The following RIMBP2 variants were observed in gnomAD, a reference collection of about 807,000 sequenced individuals.
RIMBP2 encodes the protein RIMS-binding protein 2.
A neutral mutation model predicts 118.6 loss-of-function variants in RIMBP2; 48 were observed. The ratio of observed to expected loss-of-function variants is 0.40; its 90% CI spans 0.32 to 0.51. The LOEUF (loss-of-function observed/expected upper bound fraction) is 0.51, where lower values mean the gene tolerates loss of function less well. RIMBP2 is among the 20% of genes least tolerant of loss of function. The pLI is 0.41. For synonymous variants in RIMBP2, 762 were observed against 742.9 expected (o/e 1.03, Z -0.42); for missense variants, 1,551 against 1,768.3 (o/e 0.88, Z 2.20).
At chr12:130,672,112 G>A (rs1262042083) in intron 1 of RIMBP2, among the ~76,000 whole-genome samples, 1 of 152,168 alleles carries the variant, frequency 6.6e-6, no homozygotes, top group Non-Finnish European at 1.5e-5. Flanking sequence ...CGTGTCGGTT[G>A]GACGACTCGG....
At chr12:130,567,703 C>A (rs1168987041) in intron 2 of RIMBP2, among the ~76,000 whole-genome samples, 1 of 152,248 alleles carries the variant, frequency 6.6e-6, no homozygotes, top group Non-Finnish European at 1.5e-5. Context: ...CAGCGGCCAA[C>A]ACCCCTTTCA....
At chr12:130,715,877 G>A (rs534253043) in intron 1 of RIMBP2, among the ~76,000 whole-genome samples, 3 of 152,182 alleles carry the variant, frequency 2.0e-5, no homozygotes, top group South Asian at 4.2e-4. Context: ...AACTTTGCCT[G>A]GAGGGGCCTT....
intron 14 of RIMBP2, chr12:130,429,944 C>T (rs2077051729): frequency 1.3e-5 from 2 of 152,222 alleles, no homozygotes; most frequent in Admixed American, 6.5e-5. Flanking sequence ...CCCAAGGCCT[C>T]TGGGGAGGGA....
At chr12:130,592,741 G>T (rs756580922) in intron 2 of RIMBP2, among the ~76,000 whole-genome samples, 1 of 151,660 alleles carries the variant, frequency 6.6e-6, no homozygotes, top group African/African-American at 2.4e-5. Flanking sequence ...AGAGAACCCG[G>T]GGGACCTTGG....
intron 12 of RIMBP2, among the ~76,000 whole-genome samples, chr12:130,438,079 A>G (rs1343424382): frequency 2.6e-5 from 4 of 152,218 alleles, no homozygotes; most frequent in South Asian, 4.1e-4. Flanking sequence ...TAAGGCAGTC[A>G]TCAATCAAGA....
At chr12:130,461,048 T>G (rs1440916022) in intron 6 of RIMBP2, among the ~76,000 whole-genome samples, 3 of 152,118 alleles carry the variant, frequency 2.0e-5, no homozygotes, top group Non-Finnish European at 4.4e-5. Flanking sequence ...TGGTTCGCCA[T>G]CCACAAGGGA....
intron 2 of RIMBP2, among the ~76,000 whole-genome samples, chr12:130,546,182 C>A (rs1313174569): frequency 6.9e-6 from 1 of 145,108 alleles, no homozygotes; most frequent in Non-Finnish European, 1.5e-5. Context: ...TGGCTCACTG[C>A]AACCTCTGCC....
At position 130,434,061 on chromosome 12, in the gene RIMBP2, G is replaced by T. The variant is rs2077334551; in HGVS notation, c.2253+673C>A. 6.6e-6 allele frequency among the ~76,000 whole-genome samples: 1 copy of T among 152,278 alleles called. No homozygotes were observed. Among genetic ancestry groups the T allele is most frequent in the East Asian group, 1.9e-4 (1 of 5,176 alleles). On this transcript the variant is annotated intron_variant, in intron 14 of 22. Transcript: ENST00000690449. The surrounding 1 kb of genome is among the most constrained non-coding windows in gnomAD (Gnocchi z 5.7). The stretch of plus-strand genomic sequence containing the variant: ...GATGCCAGTCCCCCTCTCCGGGTAT[G>T]GGGCTGTTTTGCTGTGGGAGTGGGT...
chr12:130,542,909 C>T (rs2054741685), intron 2 of RIMBP2, among the ~76,000 whole-genome samples: 1 of 152,176 alleles, frequency 6.6e-6, no homozygotes, highest in African/African-American at 2.4e-5. Context: ...CTCATTCATC[C>T]ATTAACACAA....
rs552445044 is a variant in RIMBP2 at position 130,550,820 on chromosome 12, T to C, written c.-216-32903A>G. Among the ~76,000 whole-genome samples, 113 of 152,348 alleles carry C rather than the reference T, an allele frequency of 7.4e-4. No homozygotes were observed. The Middle Eastern group carries it at 0.02, about 28-fold the overall frequency. On this transcript the variant is annotated intron_variant, in intron 2 of 22. Coordinates refer to ENST00000690449, the MANE Select transcript of RIMBP2 (RefSeq NM_001393629.1). ...CTCTGTCCTCAGGGAGCTTATGGTC[T>C]CCTTGGGAAAACAGAGACATAAACA...
At position 130,438,346 on chromosome 12, in the gene RIMBP2, C is replaced by CCCACCAAAAAA; in HGVS notation, c.1656+18_1656+19insTTTTTTGGTGG. 6.6e-7 allele frequency: 1 copy of CCCACCAAAAAA among 1,509,486 alleles called. No homozygotes were observed. The highest frequency in any genetic ancestry group is 9.2e-7 in the Non-Finnish European group (1 of 1,084,980). 93.5% of individuals were successfully genotyped at this position (1,509,486 alleles called of 1,614,324 possible). On this transcript the variant is annotated intron_variant, in intron 12 of 22. Transcript: ENST00000690449. ...TTAGGGCCTAACAAACCCTCCCCAC[C>CCCACCAAAAAA]CACCCAACGAAAACTCACCCTCTGC...
At chr12:130,427,153 G>A (rs778619678) in intron 15 of RIMBP2, 12 of 152,248 alleles carry the variant, frequency 7.9e-5, no homozygotes, top group East Asian at 5.8e-4. Context: ...AGTAGGCACC[G>A]AGTTGGCAGG....
chr12:130,580,196 T>A (rs1282119326), intron 2 of RIMBP2, among the ~76,000 whole-genome samples: 1 of 143,294 alleles, frequency 7.0e-6, no homozygotes, highest in African/African-American at 2.6e-5. Context: ...AGACTCCATT[T>A]AAAAAAAAAA....
At chr12:130,677,392 C>A (rs934925791) in intron 1 of RIMBP2, among the ~76,000 whole-genome samples, 2 of 152,098 alleles carry the variant, frequency 1.3e-5, no homozygotes, top group African/African-American at 4.8e-5. Flanking sequence ...CTTTAGAAGG[C>A]CAAGGCAGGC....
chr12:130,410,320 C>T (rs2075610914), intron 19 of RIMBP2, among the ~76,000 whole-genome samples: 1 of 152,176 alleles, frequency 6.6e-6, no homozygotes. Context: ...GGATTTTCTG[C>T]CAGCCTGTGG....
chr12:130,612,928 C>T (rs925288681), intron 2 of RIMBP2, among the ~76,000 whole-genome samples: 34 of 151,284 alleles, frequency 2.2e-4, no homozygotes, highest in Non-Finnish European at 3.2e-4. Context: ...CAGGACCTCC[C>T]GGGTAACCCC....
chr12:130,588,505 C>T (rs375476453), intron 2 of RIMBP2, among the ~76,000 whole-genome samples: 1 of 152,124 alleles, frequency 6.6e-6, no homozygotes, highest in Non-Finnish European at 1.5e-5. Context: ...CACCTTGTCC[C>T]GGTCACTGCG....
intron 5 of RIMBP2, among the ~76,000 whole-genome samples, chr12:130,476,133 G>T (rs762910985): frequency 6.6e-6 from 1 of 152,108 alleles, no homozygotes; most frequent in Non-Finnish European, 1.5e-5. Context: ...ACCAGGAGAG[G>T]GTGGTATCCT....
In RIMBP2 at chr12:130,441,891, C is replaced by T. The variant is rs1294025535; in HGVS notation, c.1461G>A (p.Arg487=). The T allele has an allele frequency of 6.2e-7, 1 of 1,613,876 alleles. No individual in the cohort carries two copies. The highest frequency in any genetic ancestry group is 2.2e-5 in the East Asian group (1 of 44,882). ...ACTCCACAAAGGCCTCCTTCTTCTC[C>T]CTTTGCTCCAGCGGGAGCTGCCACG... ...QMPWQLPLEQ[R]EKKEAFVEFS... is the part of the protein sequence containing the mutation. Residue 487 remains arginine (R), a synonymous_variant, in exon 11 of 23, where the codon AGG becomes AGA. Coordinates refer to ENST00000690449, the MANE Select transcript of RIMBP2 (RefSeq NM_001393629.1).
Sources: gnomAD v4.1 joint callset for allele counts (sites outside exome capture counted in the v4.1 genomes callset) on GRCh38, gnomAD v4.1.1 for gene constraint, Gnocchi (gnomAD v3.1) non-coding constraint, MANE v1.5 for transcripts, NCBI Gene and HGNC (gene_info 2026-07-23, HGNC 2026-07-21) for gene names.